The following RAB38 variants were observed in gnomAD, a reference collection of about 807,000 sequenced individuals.
The protein encoded by RAB38 is RAB38, member RAS oncogene family.
A neutral mutation model predicts 18.4 loss-of-function variants in RAB38; 15 were observed. The ratio of observed to expected loss-of-function variants is 0.82; its 90% CI spans 0.55 to 1.26. RAB38 has a LOEUF of 1.26. RAB38 is among the 50% of genes most tolerant of loss of function. The pLI is 0.00. For missense variants in RAB38, 294 were observed against 267.4 expected, an observed-to-expected ratio of 1.10 and a Z score of -0.69; for synonymous variants, 101 against 104.4, an observed-to-expected ratio of 0.97 and a Z score of 0.20.
At chr11:88,174,255 G>T (rs536530843) in intron 1 of RAB38, 107 of 226,266 alleles carry the variant, frequency 4.7e-4, no homozygotes, top group Non-Finnish European at 7.3e-4. Flanking sequence ...TTGGTCATGC[G>T]CAGGTTGCAA....
chr11:87,883,369 G>C, the RAB38 span, among the ~76,000 whole-genome samples: 1 of 151,878 alleles, frequency 6.6e-6, no homozygotes, highest in Non-Finnish European at 1.5e-5. Flanking sequence ...CCTCACGTTT[G>C]AAATTTCCTA....
chr11:88,132,304 G>A lies in RAB38; in HGVS notation c.483+17371C>T, dbSNP rs976620549. On this transcript the variant is annotated intron_variant, in intron 2 of 2. Coordinates refer to ENST00000243662, the MANE Select transcript of RAB38 (RefSeq NM_022337.3). The stretch of plus-strand genomic sequence containing the variant: ...TGAGGCTGGTGATCCAGGAAGTTGA[G>A]CCATTTATGACGTCCTTGAACTGCA... Among the ~76,000 whole-genome samples the A allele has an allele frequency of 2.5e-4, 38 of 152,320 alleles. No homozygotes were observed. In the East Asian group the frequency reaches 4.6e-3, roughly 19 times the overall value.
At chr11:88,067,846 C>A in the RAB38 span, among the ~76,000 whole-genome samples, 2 of 151,532 alleles carry the variant, frequency 1.3e-5, no homozygotes, top group Non-Finnish European at 2.9e-5. Context: ...AGCAAACCAC[C>A]GTGGCACATG....
the RAB38 span, among the ~76,000 whole-genome samples, chr11:88,033,430 A>G: frequency 6.6e-6 from 1 of 152,312 alleles, no homozygotes; most frequent in East Asian, 1.9e-4. Flanking sequence ...ATGGTGAAAC[A>G]CATTGATGAA....
the RAB38 span, among the ~76,000 whole-genome samples, chr11:87,897,155 A>G: frequency 6.6e-6 from 1 of 151,704 alleles, no homozygotes; most frequent in East Asian, 2.0e-4. Context: ...CTTCAGATTT[A>G]ACCCCCCCCA....
chr11:88,150,427 G>T (rs7105256), intron 1 of RAB38, among the ~76,000 whole-genome samples: 1 of 152,070 alleles, frequency 6.6e-6, no homozygotes, highest in African/African-American at 2.4e-5. Context: ...AAATATTTGG[G>T]ATACTCTGAT....
At chr11:88,024,881 G>A in the RAB38 span, among the ~76,000 whole-genome samples, 7 of 150,588 alleles carry the variant, frequency 4.6e-5, no homozygotes, top group South Asian at 1.1e-3. Context: ...TGTGGGGTGG[G>A]GTGGAGATGG....
the RAB38 span, among the ~76,000 whole-genome samples, chr11:88,067,123 C>T: frequency 6.6e-6 from 1 of 152,070 alleles, no homozygotes; most frequent in African/African-American, 2.4e-5. Flanking sequence ...AGATGCACTG[C>T]AGCCACTAGA....
At chr11:88,035,098 T>G in the RAB38 span, among the ~76,000 whole-genome samples, 5 of 152,328 alleles carry the variant, frequency 3.3e-5, no homozygotes, top group African/African-American at 7.2e-5. Flanking sequence ...ACATTTCTCT[T>G]TTTTTGATCA....
At chr11:87,856,669 G>A in the RAB38 span, among the ~76,000 whole-genome samples, 11 of 152,170 alleles carry the variant, frequency 7.2e-5, no homozygotes, top group East Asian at 1.9e-4. Flanking sequence ...CCACTAGAGC[G>A]TAGCTTGAGA....
At chr11:87,839,916 C>A in the RAB38 span, among the ~76,000 whole-genome samples, 13 of 152,276 alleles carry the variant, frequency 8.5e-5, no homozygotes, top group African/African-American at 2.6e-4. Flanking sequence ...CAGTAGGTTT[C>A]TCTCAGGTTG....
At chr11:88,078,336 T>C in the RAB38 span, among the ~76,000 whole-genome samples, 2 of 151,910 alleles carry the variant, frequency 1.3e-5, no homozygotes, top group Non-Finnish European at 2.9e-5. Context: ...AAGAAAGAAA[T>C]TCAATCTATT....
the RAB38 span, among the ~76,000 whole-genome samples, chr11:88,104,624 T>C: frequency 7.9e-5 from 12 of 152,246 alleles, no homozygotes; most frequent in African/African-American, 2.4e-4. Context: ...CTAAGCAGCA[T>C]GTGTACAGTA....
the RAB38 span, among the ~76,000 whole-genome samples, chr11:87,961,509 TC>T: frequency 6.6e-6 from 1 of 151,904 alleles, no homozygotes; most frequent in Admixed American, 6.6e-5. Context: ...ACAGTATTCA[TC>T]CCCCAACATC....
the RAB38 span, among the ~76,000 whole-genome samples, chr11:88,022,438 C>T: frequency 6.6e-6 from 1 of 151,504 alleles, no homozygotes; most frequent in African/African-American, 2.4e-5. Flanking sequence ...TAGATCTGGA[C>T]ACAATAAGAT....
chr11:88,054,652 T>C, the RAB38 span, among the ~76,000 whole-genome samples: 333 of 152,306 alleles, frequency 2.2e-3, 1 homozygote, highest in African/African-American at 7.5e-3. Flanking sequence ...AATCCAGTAA[T>C]GGAAAGATAT....
Position 88,113,867 on chromosome 11 carries a change from T to C in RAB38, c.*121A>G, listed in dbSNP as rs1289366476. ...CTCTCTCACTGAAAAAACAGAGGCATAGATCTTTGGCTTGCCACATGTGGT... is the reference window on the plus strand; with the variant it reads ...CTCTCTCACTGAAAAAACAGAGGCACAGATCTTTGGCTTGCCACATGTGGT... On this transcript the variant is annotated 3_prime_UTR_variant, in exon 3 of 3. Coordinates refer to ENST00000243662, the MANE Select transcript of RAB38 (RefSeq NM_022337.3). The C allele has an allele frequency of 6.0e-6, 7 of 1,168,152 alleles. No individual in the cohort carries two copies. In the African/African-American group the frequency reaches 6.2e-5, roughly 10 times the overall value. The allele number at this position is 1,168,152 out of a possible 1,614,324, so 72.4% of individuals were successfully genotyped here.
the RAB38 span, among the ~76,000 whole-genome samples, chr11:88,067,089 C>T: frequency 6.6e-6 from 1 of 152,062 alleles, no homozygotes; most frequent in East Asian, 1.9e-4. Flanking sequence ...AGTATTTGTG[C>T]ACAGAGTTAC....
the RAB38 span, among the ~76,000 whole-genome samples, chr11:87,977,832 TA>T: frequency 1.8e-5 from 2 of 108,734 alleles, no homozygotes; most frequent in African/African-American, 3.6e-5. Flanking sequence ...TGTTCCTATA[TA>T]ATCATGTATA....
Sources: allele counts gnomAD v4.1 joint callset (sites outside exome capture counted in the v4.1 genomes callset), GRCh38; gene constraint gnomAD v4.1.1; transcripts MANE v1.5; gene names NCBI Gene and HGNC (gene_info 2026-07-23, HGNC 2026-07-21).